Variants in RPL12 observed in about 807,000 individuals in gnomAD.
RPL12 encodes large ribosomal subunit protein uL11.
In RPL12, 10 loss-of-function variants were observed where a neutral mutation model predicts 24.5. The observed-to-expected ratio is 0.41, with a 90% CI of 0.25 to 0.69. The LOEUF is 0.69. RPL12 is among the 30% of genes least tolerant of loss of function. RPL12 has a pLI of 0.33. For missense variants in RPL12, 137 were observed against 205.3 expected, an observed-to-expected ratio of 0.67 and a Z score of 2.03; for synonymous variants, 74 against 76.1, an observed-to-expected ratio of 0.97 and a Z score of 0.14.
In RPL12 at chr9:127,451,320, T is replaced by C. The variant is rs1554752502; in HGVS notation, c.-3A>G. 1.9e-6 allele frequency: 3 copies of C among 1,612,176 alleles called. No homozygotes were observed. Among genetic ancestry groups the C allele is most frequent in the East Asian group, 2.2e-5 (1 of 44,882 alleles). The stretch of plus-strand genomic sequence containing the variant: ...TTGGGGTCGAACTTCGGCGGCATGG[T>C]GGAGGCGGCTGGTGTCGGATGAACC... On this transcript the variant is annotated 5_prime_UTR_variant, in exon 1 of 7. Coordinates refer to ENST00000361436, the MANE Select transcript of RPL12 (RefSeq NM_000976.4).
chr9:127,451,327 G>A lies in RPL12; in HGVS notation c.-10C>T, dbSNP rs191699919. On this transcript the variant is annotated 5_prime_UTR_variant, in exon 1 of 7. Transcript: ENST00000361436. ...CGAACTTCGGCGGCATGGTGGAGGC[G>A]GCTGGTGTCGGATGAACCCGGATTC... 393 of 1,612,116 alleles carry A rather than the reference G, an allele frequency of 2.4e-4. No individual in the cohort carries two copies. The highest frequency in any genetic ancestry group is 3.1e-4 in the Non-Finnish European group (364 of 1,179,944).
chr9:127,448,568 T>C, intron 4 of RPL12, 145 bp from the exon 5 acceptor site: 1 of 771,622 alleles, frequency 1.3e-6, no homozygotes, highest in Non-Finnish European at 2.4e-6. Flanking sequence ...AAGCTGGGGT[T>C]TACTATCAGC....
chr9:127,451,168 A>AAGGTCTCTGGGAGGCAGCGGCTTT (rs1226565461), intron 1 of RPL12, 113 bp downstream of exon 1: 10 of 1,404,798 alleles, frequency 7.1e-6, no homozygotes, highest in Non-Finnish European at 8.7e-6. Context: ...CAACACCGGG[A>AAGGTCTCTGGGAGGCAGCGGCTTT]AGGTCTCTGG....
At position 127,447,858 on chromosome 9, in the gene RPL12, C is replaced by G. The variant is rs1430319979; in HGVS notation, c.492+19G>C. The G allele has an allele frequency of 6.2e-7, 1 of 1,610,296 alleles. No homozygotes were observed. The highest frequency in any genetic ancestry group is 2.2e-5 in the East Asian group (1 of 44,862). The stretch of plus-strand genomic sequence containing the variant: ...GGCCCCCCTTTCACCCCTACTGTAA[C>G]AATGAAAATGTCACTTACGGCTGGG... On this transcript the variant is annotated intron_variant, in intron 6 of 6. Transcript: ENST00000361436.
intron 1 of RPL12, 188 bp downstream of exon 1, chr9:127,451,093 C>G: frequency 1.3e-6 from 1 of 783,384 alleles, no homozygotes; most frequent in Non-Finnish European, 2.0e-6. Flanking sequence ...TGGTCCAGTC[C>G]TCCCTCCCCA....
chr9:127,451,116 G>A (rs1051233897), intron 1 of RPL12, 165 bp downstream of exon 1: 5 of 922,870 alleles, frequency 5.4e-6, no homozygotes, highest in South Asian at 3.6e-5. Context: ...TACACGTGAA[G>A]AAGCTAAGGC....
intron 2 of RPL12, chr9:127,450,487 C>A: frequency 2.1e-6 from 1 of 470,754 alleles, no homozygotes; most frequent in South Asian, 3.5e-5. Flanking sequence ...CCCCCTTGGG[C>A]CCACCCCTCA....
Position 127,451,376 on chromosome 9 carries a change from C to A in RPL12, c.-59G>T, listed in dbSNP as rs987080271. On this transcript the variant is annotated 5_prime_UTR_variant, in exon 1 of 7. In the 5' UTR this introduces an upstream ATG that the reference lacks. Coordinates refer to ENST00000361436, the MANE Select transcript of RPL12 (RefSeq NM_000976.4). ...TCGGGACGACCGAAGGAAGTTGCAC[C>A]TTGGCCTCCTCCGAGCCGAAAGCCG... 15 of 1,605,392 alleles carry A rather than the reference C, an allele frequency of 9.3e-6. No homozygotes were observed. Among genetic ancestry groups the A allele is most frequent in the Non-Finnish European group, 1.3e-5 (15 of 1,176,362 alleles).
rs1564242480 is a variant in RPL12 at position 127,448,074 on chromosome 9, T to TA, written c.380-86dup. The TA allele has an allele frequency of 2.1e-6, 3 of 1,453,848 alleles. No homozygotes were observed. In the African/African-American group the frequency reaches 4.3e-5, roughly 21 times the overall value. 90.1% of individuals were successfully genotyped at this position (1,453,848 alleles called of 1,614,324 possible). A position where few individuals can be genotyped will look rare whatever the true frequency, so the allele number is the denominator to read the frequency against. On this transcript the variant is annotated intron_variant, in intron 5 of 6. Transcript: ENST00000361436. ...TACTGGGGAATACTGAAGGGGTTCA[T>TA]AGCAGGCAATGGAAGGAATGAGGTT...
At chr9:127,449,129 C>T (rs997641333) in intron 4 of RPL12, 152 bp downstream of exon 4, 10 of 620,278 alleles carry the variant, frequency 1.6e-5, no homozygotes, top group African/African-American at 1.3e-4. Context: ...ATACGTGGCA[C>T]TTTTTCATAC....
At chr9:127,450,605 G>T in intron 2 of RPL12, 126 bp downstream of exon 2, 2 of 653,150 alleles carry the variant, frequency 3.1e-6, no homozygotes, top group South Asian at 2.1e-5. Flanking sequence ...CTTGTTCAGT[G>T]GCTCAGGCCT....
rs146387248 is a variant in RPL12, at chr9:127,447,682, T to C, written c.*39A>G. On this transcript the variant is annotated 3_prime_UTR_variant, in exon 7 of 7. Coordinates refer to ENST00000361436, the MANE Select transcript of RPL12 (RefSeq NM_000976.4). ...GACGCCACACCAGAAAATCCACCAG[T>C]TGTCAAATGATCCTTTATTGAAATG... The C allele has an allele frequency of 8.7e-4, 1,408 of 1,612,750 alleles. 3 individuals are homozygous for C. Among genetic ancestry groups the C allele is most frequent in the Non-Finnish European group, 1.1e-3 (1,274 of 1,179,374 alleles).
intron 3 of RPL12, 86 bp from the exon 4 acceptor site, chr9:127,449,448 G>T (rs1834230313): frequency 2.2e-6 from 3 of 1,387,670 alleles, no homozygotes; most frequent in South Asian, 2.4e-5. Context: ...GCCACACACT[G>T]TCCAAGTCTT....
intron 2 of RPL12, 84 bp from the exon 3 acceptor site, chr9:127,449,792 C>G: frequency 9.3e-7 from 1 of 1,070,454 alleles, no homozygotes; most frequent in Non-Finnish European, 1.4e-6. Flanking sequence ...CACTTGGCAA[C>G]AAAGGAAGCT....
chr9:127,448,537 T>G (rs753516153), intron 4 of RPL12, 114 bp from the exon 5 acceptor site: 2 of 800,434 alleles, frequency 2.5e-6, no homozygotes, highest in Non-Finnish European at 4.5e-6. Flanking sequence ...GTCATCCACA[T>G]GAAGAACAAC....
chr9:127,449,838 C>A, intron 2 of RPL12, 130 bp from the exon 3 acceptor site: 1 of 693,746 alleles, frequency 1.4e-6, no homozygotes, highest in Admixed American at 2.1e-5. Context: ...TCAATCAGAG[C>A]ACAGCTATCA....
intron 4 of RPL12, among the ~76,000 whole-genome samples, chr9:127,448,869 C>T (rs919284711): frequency 6.7e-6 from 1 of 149,876 alleles, no homozygotes; most frequent in African/African-American, 2.5e-5. Context: ...CTCACTGTTA[C>T]CCAGGCTGGA....
chr9:127,448,252 G>A (rs879447063), intron 5 of RPL12, 85 bp downstream of exon 5: 1 of 1,188,904 alleles, frequency 8.4e-7, no homozygotes, highest in Non-Finnish European at 1.3e-6. Context: ...GGGTCTCACT[G>A]AGCACCCTTC....
At chr9:127,450,860 CTCAGCG>C (rs1834288360) in intron 1 of RPL12, 56 bp from the exon 2 acceptor site, 2 of 1,333,908 alleles carry the variant, frequency 1.5e-6, no homozygotes, top group Admixed American at 4.5e-5. Context: ...CCACAGCCCT[CTCAGCG>C]TCTTTCCGGG....
Sources: gnomAD v4.1 joint callset for allele counts (sites outside exome capture counted in the v4.1 genomes callset) on GRCh38, gnomAD v4.1.1 for gene constraint, MANE v1.5 for transcripts, NCBI Gene and HGNC (gene_info 2026-07-23, HGNC 2026-07-21) for gene names.